The following KIF1B variants were observed in gnomAD, a reference collection of about 807,000 sequenced individuals.
KIF1B encodes the protein kinesin family member 1B, also known as kinesin-like protein KIF1B.
A neutral mutation model predicts 241.9 loss-of-function variants in KIF1B; 76 were observed. The observed-to-expected ratio is 0.31, with a 90% confidence interval of 0.26 to 0.38. KIF1B has a LOEUF of 0.38. Among genes scored for constraint, KIF1B ranks in the 10% least tolerant of loss-of-function variants. KIF1B has a pLI of 1.00. For synonymous variants in KIF1B, 750 were observed against 796.7 expected, an observed-to-expected ratio of 0.94 and a Z score of 0.99; for missense variants, 1,622 against 2,271.4, an observed-to-expected ratio of 0.71 and a Z score of 5.81.
At chr1:10,307,186 C>A (rs187945386) in intron 22 of KIF1B, 1 of 1,030,208 alleles carries the variant, frequency 9.7e-7, no homozygotes, top group East Asian at 6.1e-5. Flanking sequence ...CATTTCTGAG[C>A]AAATGCTTAT....
intron 16 of KIF1B, among the ~76,000 whole-genome samples, chr1:10,291,697 AAG>A (rs946180232): frequency 6.7e-6 from 1 of 149,284 alleles, no homozygotes; most frequent in African/African-American, 2.4e-5. Flanking sequence ...GGGTGACAGC[AAG>A]ACTCTGTCTC....
At position 10,296,934 on chromosome 1, in the gene KIF1B, C is replaced by A. The variant is rs1310291443; in HGVS notation, c.1899C>A (p.Arg633=). 10 of 1,613,920 alleles carry A rather than the reference C, an allele frequency of 6.2e-6. No homozygotes were observed. Among genetic ancestry groups the A allele is most frequent in the Admixed American group, 1.7e-5 (1 of 59,980 alleles). The change falls in exon 21 of 49, where the codon CGC becomes CGA. Residue 633 remains arginine (R), a synonymous_variant. Transcript: ENST00000676179. ...TCATGGGTAAAAACCATGTTTTCCG[C>A]TTTAACCACCCGGAACAAGCACGAG... ...RIIMGKNHVF[R]FNHPEQARAE...
chr1:10,258,774 GT>G, intron 4 of KIF1B, 102 bp downstream of exon 4: 1 of 1,179,234 alleles, frequency 8.5e-7, no homozygotes, highest in Non-Finnish European at 1.2e-6. Context: ...TGCGGGGATT[GT>G]TTTATGTCAG....
chr1:10,306,560 A>G (rs1650835789), intron 22 of KIF1B: 1 of 507,910 alleles, frequency 2.0e-6, no homozygotes, highest in Non-Finnish European at 2.7e-6. Flanking sequence ...GTGGTACACT[A>G]TGCCAGTTGG....
chr1:10,266,771 T>C (rs1262297600), intron 5 of KIF1B, among the ~76,000 whole-genome samples: 1 of 152,210 alleles, frequency 6.6e-6, no homozygotes, highest in Non-Finnish European at 1.5e-5. Context: ...TACTAAAATA[T>C]CTTTTAGCTG....
At chr1:10,316,641 C>G (rs994406096) in intron 22 of KIF1B, among the ~76,000 whole-genome samples, 11 of 151,422 alleles carry the variant, frequency 7.3e-5, no homozygotes, top group Admixed American at 3.9e-4. Flanking sequence ...GCTGGGACTA[C>G]AGGTGTGTGC....
chr1:10,331,854 CA>C, intron 27 of KIF1B, among the ~76,000 whole-genome samples: 1 of 152,242 alleles, frequency 6.6e-6, no homozygotes, highest in East Asian at 1.9e-4. Flanking sequence ...TTGTGACCAC[CA>C]GTTTTTATTG....
chr1:10,304,265 G>A (rs781693020), intron 22 of KIF1B: 10 of 1,614,202 alleles, frequency 6.2e-6, no homozygotes, highest in Middle Eastern at 1.6e-4. Context: ...GGAATGAGAA[G>A]TCAAGATCAC....
chr1:10,271,617 T>A (rs1648803173), intron 8 of KIF1B, 38 bp downstream of exon 8: 1 of 1,300,956 alleles, frequency 7.7e-7, no homozygotes, highest in Non-Finnish European at 1.1e-6. Flanking sequence ...GATCAATAAA[T>A]GGCCACTACC....
chr1:10,317,921 TC>T (rs774335299), intron 22 of KIF1B, among the ~76,000 whole-genome samples: 1 of 151,458 alleles, frequency 6.6e-6, no homozygotes, highest in Non-Finnish European at 1.5e-5. Context: ...TCTTGGTCCT[TC>T]CTCTAGTACT....
At chr1:10,214,829 C>T (rs937569918) in intron 1 of KIF1B, among the ~76,000 whole-genome samples, 10 of 152,004 alleles carry the variant, frequency 6.6e-5, no homozygotes, top group African/African-American at 2.2e-4. Flanking sequence ...GATCCACCCA[C>T]CTCAGCCTCC....
chr1:10,284,406 C>T (rs952213841), intron 15 of KIF1B, among the ~76,000 whole-genome samples: 33 of 152,116 alleles, frequency 2.2e-4, no homozygotes, highest in Non-Finnish European at 4.1e-4. Flanking sequence ...AAAAATTAAG[C>T]CGGGCTTAGT....
Position 10,380,647 on chromosome 1 carries a change from A to G in KIF1B, c.*4060A>G. The stretch of plus-strand genomic sequence containing the variant: ...CTTGAACCTGGGAGGTGGAGGCTGC[A>G]GTGAGTTGAGACTGCACCATTGCAC... On this transcript the variant is annotated 3_prime_UTR_variant, in exon 49 of 49. Coordinates refer to ENST00000676179, the MANE Select transcript of KIF1B (RefSeq NM_001365951.3). 1 of 194,472 alleles carries G rather than the reference A, an allele frequency of 5.1e-6. No individual in the cohort carries two copies. The highest frequency in any genetic ancestry group is 1.1e-5 in the Non-Finnish European group (1 of 93,068). 12.0% of individuals were successfully genotyped at this position (194,472 alleles called of 1,614,324 possible).
chr1:10,226,524 GA>G (rs1403589232), intron 1 of KIF1B, among the ~76,000 whole-genome samples: 1 of 152,012 alleles, frequency 6.6e-6, no homozygotes. Flanking sequence ...GAACACAAAA[GA>G]AAAAAGTTTT....
chr1:10,366,920 G>C (rs1638592818), intron 43 of KIF1B, among the ~76,000 whole-genome samples: 1 of 151,668 alleles, frequency 6.6e-6, no homozygotes, highest in African/African-American at 2.4e-5. Flanking sequence ...GCAGTGAGCC[G>C]AGATCGCGCC....
chr1:10,336,083 A>G (rs536735999), intron 28 of KIF1B, among the ~76,000 whole-genome samples: 6 of 152,358 alleles, frequency 3.9e-5, no homozygotes, highest in African/African-American at 1.2e-4. Flanking sequence ...ATTATTGACT[A>G]TTATCTTGCC....
rs568393252 is a variant in KIF1B, at chr1:10,332,501, A to ATTTTTTT, written c.2925-1993_2925-1987dup. ...GTCACCCTGCCTGAAGATAATAGTC[A>ATTTTTTT]TTTTTTTTTTTTTTTTTTTTTTTTT... On this transcript the variant is annotated intron_variant, in intron 27 of 48. Transcript: ENST00000676179. Among the ~76,000 whole-genome samples, 12 of 58,688 alleles carry ATTTTTTT rather than the reference A, an allele frequency of 2.0e-4. 1 individual carries two copies. Among genetic ancestry groups the ATTTTTTT allele is most frequent in the African/African-American group, 7.2e-4 (11 of 15,254 alleles). The allele number at this position is 58,688 out of a possible 152,430, so 38.5% of individuals were successfully genotyped here.
intron 15 of KIF1B, among the ~76,000 whole-genome samples, chr1:10,285,125 C>G (rs1262887978): frequency 6.6e-6 from 1 of 152,188 alleles, no homozygotes; most frequent in Non-Finnish European, 1.5e-5. Flanking sequence ...CTTTGCAGGG[C>G]TCTTTTCAGA....
chr1:10,220,397 T>TAGATGATA (rs1553160022), intron 1 of KIF1B, among the ~76,000 whole-genome samples: 12,588 of 143,750 alleles, frequency 0.088, 616 homozygotes, highest in East Asian at 0.12. Context: ...GATAGATAGA[T>TAGATGATA]GATAGATAGA....
Sources: gnomAD v4.1 joint callset for allele counts (sites outside exome capture counted in the v4.1 genomes callset) on GRCh38, gnomAD v4.1.1 for gene constraint, MANE v1.5 for transcripts, NCBI Gene and HGNC (gene_info 2026-07-23, HGNC 2026-07-21) for gene names.